The following HTT variants were observed in gnomAD, a reference collection of about 807,000 sequenced individuals.
HTT encodes huntingtin.
HTT carries 104 observed loss-of-function variants against 362.3 expected under a neutral mutation model. That is an observed-to-expected ratio of 0.29 (90% CI 0.24 to 0.34). The LOEUF (loss-of-function observed/expected upper bound fraction) is 0.34, where lower values mean the gene tolerates loss of function less well. Among genes scored for constraint, HTT ranks in the 10% least tolerant of loss-of-function variants. The pLI is 1.00. For synonymous variants in HTT, 1,577 were observed against 1,548.7 expected, an observed-to-expected ratio of 1.02 and a Z score of -0.43; for missense variants, 3,301 against 3,928.6, an observed-to-expected ratio of 0.84 and a Z score of 4.27.
chr4:3,227,287 T>C (rs1173953665), intron 57 of HTT, among the ~76,000 whole-genome samples: 2 of 143,288 alleles, frequency 1.4e-5, no homozygotes, highest in Non-Finnish European at 3.1e-5. Context: ...GTGCCACCCC[T>C]GCCCTGTCTG....
rs567104801 is a variant in HTT, at chr4:3,230,278, G to A, written c.8265+236G>A. On this transcript the variant is annotated intron_variant, in intron 60 of 66. Coordinates refer to ENST00000355072, the MANE Select transcript of HTT (RefSeq NM_001388492.1). ...GTTGTGGCGGCCAAGCCATGGTTTG[G>A]GGTCCCGTATCCCTGGGCTTATGAC... is the stretch of plus-strand genomic sequence containing the variant. Among the ~76,000 whole-genome samples the A allele has an allele frequency of 1.2e-3, 189 of 152,304 alleles. 1 individual carries two copies. Among genetic ancestry groups the A allele is most frequent in the African/African-American group, 4.5e-3 (185 of 41,568 alleles).
intron 2 of HTT, among the ~76,000 whole-genome samples, chr4:3,095,254 C>G (rs1019371083): frequency 1.3e-5 from 2 of 152,230 alleles, no homozygotes; most frequent in Non-Finnish European, 2.9e-5. Context: ...ACTGAGTGAG[C>G]GAGACTCCGT....
In HTT at chr4:3,206,442, C is replaced by A. The variant is rs1719857180; in HGVS notation, c.5719-54C>A. On this transcript the variant is annotated intron_variant, in intron 42 of 66. Coordinates refer to ENST00000355072, the MANE Select transcript of HTT (RefSeq NM_001388492.1). This position sits in a 1 kb window ranked among gnomAD's most constrained non-coding sequence, Gnocchi z 4.6. ...TTCTGGCCTTTCTATGGCATTAATA[C>A]CTGGTCTCTTCTTGTGTACTTGAAA... 5 of 1,419,006 alleles carry A rather than the reference C, an allele frequency of 3.5e-6. No individual in the cohort carries two copies. In the South Asian group the frequency reaches 4.6e-5, roughly 13 times the overall value. The allele number at this position is 1,419,006 out of a possible 1,614,324, so 87.9% of individuals were successfully genotyped here.
intron 26 of HTT, among the ~76,000 whole-genome samples, chr4:3,152,388 G>A (rs549852257): frequency 2.1e-4 from 31 of 151,086 alleles, no homozygotes; most frequent in Admixed American, 9.2e-4. Flanking sequence ...GTGAGCTACC[G>A]CTCCCAGCCA....
chr4:3,175,544 A>T (rs950559611), intron 33 of HTT, among the ~76,000 whole-genome samples: 2 of 152,220 alleles, frequency 1.3e-5, no homozygotes, highest in African/African-American at 4.8e-5. Flanking sequence ...TTACCTCTTT[A>T]AAAAGGAATG....
At chr4:3,140,388 C>G in intron 21 of HTT, 122 bp from the exon 22 acceptor site, 1 of 742,012 alleles carries the variant, frequency 1.3e-6, no homozygotes, top group African/African-American at 1.8e-5. Context: ...AGAAAGGGGG[C>G]GAGAAGTGGT....
chr4:3,125,460 T>G, intron 10 of HTT, 89 bp from the exon 11 acceptor site: 3 of 773,358 alleles, frequency 3.9e-6, no homozygotes, highest in Middle Eastern at 2.3e-4. Flanking sequence ...TTAAATATTC[T>G]TATGAGTTTC....
Position 3,160,334 on chromosome 4 carries a change from C to T in HTT, c.3806C>T (p.Ser1269Leu). 1.3e-6 allele frequency: 2 copies of T among 1,555,096 alleles called. No homozygotes were observed. Among genetic ancestry groups the T allele is most frequent in the Non-Finnish European group, 1.7e-6 (2 of 1,148,260 alleles). Residue 1269 changes from serine to leucine, a missense_variant, in exon 29 of 67, where the codon TCA becomes TTA. By Grantham distance (145) the Ser-to-Leu change is moderately radical. This residue lies in a region of HTT where 2,316 missense variants were observed against 2,658.5 expected (regional missense o/e 0.87). Transcript: ENST00000355072. ...GAAAAGTTTGGAGGGTTTCTCCGCT[C>T]AGCCTTGGATGTTCTTTCTCAGATA... The part of the protein sequence containing the change: ...STEKFGGFLR[S>L]ALDVLSQILE...
In HTT at chr4:3,130,361, A is replaced by G. The variant is rs201938386; in HGVS notation, c.1924A>G (p.Ser642Gly). The G allele has an allele frequency of 3.7e-5, 59 of 1,609,948 alleles. No individual in the cohort carries two copies. The highest frequency in any genetic ancestry group is 4.8e-5 in the Non-Finnish European group (57 of 1,177,256). Reference protein sequence around the residue: ...NMSHCRQPSDSSVDKFVLRDE... With the variant: ...NMSHCRQPSDGSVDKFVLRDE... ...GAGTCACTGCAGGCAGCCTTCTGACAGCAGTGTTGATAAATTTGTGTTGAG... is the reference window on the plus strand; with the variant it reads ...GAGTCACTGCAGGCAGCCTTCTGACGGCAGTGTTGATAAATTTGTGTTGAG... The change falls in exon 14 of 67, where the codon AGC (serine) becomes GGC (glycine). Residue 642 changes from serine (S) to glycine (G), a missense_variant. By Grantham distance (56) the Ser-to-Gly change is moderately conservative (BLOSUM62 0). Coordinates refer to ENST00000355072, the MANE Select transcript of HTT (RefSeq NM_001388492.1).
intron 6 of HTT, among the ~76,000 whole-genome samples, chr4:3,112,554 G>C (rs528759195): frequency 6.6e-6 from 1 of 152,214 alleles, no homozygotes; most frequent in Non-Finnish European, 1.5e-5. Flanking sequence ...TCGACATTAA[G>C]TTCATGAGAG....
At chr4:3,202,030 G>T (rs1451102783) in intron 41 of HTT, among the ~76,000 whole-genome samples, 1 of 152,188 alleles carries the variant, frequency 6.6e-6, no homozygotes, top group African/African-American at 2.4e-5. Flanking sequence ...GCTCCAGGAG[G>T]TCCTTATGTG....
chr4:3,204,754 G>A (rs1314318541), intron 42 of HTT, among the ~76,000 whole-genome samples: 2 of 152,194 alleles, frequency 1.3e-5, no homozygotes, highest in Non-Finnish European at 2.9e-5. Context: ...GATGGCTTGA[G>A]CCTGGGAGTT....
chr4:3,224,446 A>G (rs759413248), intron 56 of HTT, among the ~76,000 whole-genome samples: 3 of 152,222 alleles, frequency 2.0e-5, no homozygotes, highest in Non-Finnish European at 4.4e-5. Context: ...AACCAAGTTC[A>G]TCTACACAAG....
Position 3,099,305 on chromosome 4 carries a change from A to G in HTT, c.379A>G (p.Ile127Val). The G allele has an allele frequency of 6.2e-7, 1 of 1,614,036 alleles. No individual in the cohort carries two copies. Among genetic ancestry groups the G allele is most frequent in the Non-Finnish European group, 8.5e-7 (1 of 1,179,906 alleles). ...TCCAGAATTTCAGAAACTTCTGGGCATCGCTATGGAACTTTTTCTGCTGTG... is the reference window on the plus strand; with the variant it reads ...TCCAGAATTTCAGAAACTTCTGGGCGTCGCTATGGAACTTTTTCTGCTGTG... ...NSPEFQKLLGIAMELFLLCSD... is the reference protein window; with the variant it reads ...NSPEFQKLLGVAMELFLLCSD... Residue 127 changes from isoleucine to valine, a missense_variant, in exon 3 of 67, where the codon ATC becomes GTC. Ile to Val is a conservative substitution (Grantham distance 29). This residue lies in a region of HTT where 2,316 missense variants were observed against 2,658.5 expected (regional missense o/e 0.87). Coordinates refer to ENST00000355072, the MANE Select transcript of HTT (RefSeq NM_001388492.1).
At position 3,228,465 on chromosome 4, in the gene HTT, C is replaced by T; in HGVS notation, c.7849-150C>T. 1 of 790,404 alleles carries T rather than the reference C, an allele frequency of 1.3e-6. No homozygotes were observed. The highest frequency in any genetic ancestry group is 1.9e-6 in the Non-Finnish European group (1 of 533,524). 49.0% of individuals were successfully genotyped at this position (790,404 alleles called of 1,614,324 possible). A position where few individuals can be genotyped will look rare whatever the true frequency, so the allele number is the denominator to read the frequency against. On this transcript the variant is annotated intron_variant, in intron 57 of 66. Transcript: ENST00000355072. This position sits in a 1 kb window ranked among gnomAD's most constrained non-coding sequence, Gnocchi z 4.3. ...CTGCCCCACCCTCTCTGTGGGCTCC[C>T]TTGCCCGTAACCTGGGGTGTCTGAA...
intron 31 of HTT, 98 bp downstream of exon 31, chr4:3,173,229 ATCT>A: frequency 1.1e-6 from 1 of 885,322 alleles, no homozygotes. Context: ...GTTAGCGAAC[ATCT>A]TCTAATAGTC....
chr4:3,086,413 A>G (rs902710657), intron 1 of HTT, among the ~76,000 whole-genome samples: 2 of 152,134 alleles, frequency 1.3e-5, no homozygotes, highest in African/African-American at 4.8e-5. Context: ...GCTCATACCT[A>G]TAATCCCAGT....
chr4:3,210,539 C>T (rs377363628), intron 47 of HTT, among the ~76,000 whole-genome samples: 13 of 152,270 alleles, frequency 8.5e-5, no homozygotes, highest in South Asian at 4.1e-4. Context: ...GGGCACCCTG[C>T]GCAGAGCTAG....
chr4:3,080,659 C>T (rs2110135685), intron 1 of HTT, among the ~76,000 whole-genome samples: 1 of 152,326 alleles, frequency 6.6e-6, no homozygotes, highest in African/African-American at 2.4e-5. Flanking sequence ...AGTGTCATAT[C>T]TAAGAAATCA....
Sources: allele counts gnomAD v4.1 joint callset (sites outside exome capture counted in the v4.1 genomes callset), GRCh38; gene constraint gnomAD v4.1.1; regional missense constraint gnomAD v4.1.1; non-coding constraint Gnocchi (gnomAD v3.1); transcripts MANE v1.5; gene names NCBI Gene and HGNC (gene_info 2026-07-23, HGNC 2026-07-21).